The following PLAAT3 variants were observed in gnomAD, a reference collection of about 807,000 sequenced individuals.
PLAAT3 encodes phospholipase A and acyltransferase 3.
A neutral mutation model predicts 16.7 loss-of-function variants in PLAAT3; 21 were observed. The observed-to-expected ratio is 1.26, with a 90% CI of 0.89 to 1.81. The LOEUF is 1.81. PLAAT3 is among the 40% of genes most tolerant of loss of function. The pLI, the probability that PLAAT3 is intolerant of heterozygous loss-of-function variation, is 0.00. For missense variants in PLAAT3, 219 were observed against 213.7 expected, an observed-to-expected ratio of 1.02 and a Z score of -0.16; for synonymous variants, 76 against 81.7, an observed-to-expected ratio of 0.93 and a Z score of 0.38.
chr11:63,591,045 T>C (rs1479259328), intron 3 of PLAAT3, among the ~76,000 whole-genome samples: 2 of 152,034 alleles, frequency 1.3e-5, no homozygotes, highest in African/African-American at 4.8e-5. Context: ...TCAAACAACC[T>C]GTGTGGCGCA....
intron 2 of PLAAT3, among the ~76,000 whole-genome samples, chr11:63,601,845 C>T (rs547184796): frequency 1.4e-4 from 21 of 152,110 alleles, no homozygotes; most frequent in Admixed American, 8.5e-4. Context: ...GACGTGGTGG[C>T]GTACGCCAGT....
intron 3 of PLAAT3, among the ~76,000 whole-genome samples, chr11:63,593,323 C>CAAGCA (rs1226926459): frequency 6.6e-6 from 1 of 152,200 alleles, no homozygotes; most frequent in African/African-American, 2.4e-5. Flanking sequence ...GAGGCCACCC[C>CAAGCA]AAGGAAAAGG....
rs1310585564 is a variant in PLAAT3 at position 63,580,342 on chromosome 11, TA to T, written c.388-5297del. ...AGCTTACAAATGGAGTTAAGGCTGC[TA>T]ATCAATTTACCTTAAAATACAGAAA... On this transcript the variant is annotated intron_variant, in intron 4 of 4. Coordinates refer to ENST00000415826, the MANE Select transcript of PLAAT3 (RefSeq NM_001128203.2). 2.0e-5 allele frequency among the ~76,000 whole-genome samples: 3 copies of T among 152,232 alleles called. No homozygotes were observed. In the East Asian group the frequency reaches 5.8e-4, roughly 29 times the overall value.
chr11:63,610,388 G>A (rs747633687), intron 2 of PLAAT3, among the ~76,000 whole-genome samples: 2 of 152,176 alleles, frequency 1.3e-5, no homozygotes, highest in East Asian at 1.9e-4. Flanking sequence ...GGGAAGAAGC[G>A]ATCAATTTCC....
At chr11:63,597,859 C>A (rs1938332056) in intron 3 of PLAAT3, among the ~76,000 whole-genome samples, 1 of 152,190 alleles carries the variant, frequency 6.6e-6, no homozygotes, top group Non-Finnish European at 1.5e-5. Context: ...CTCTAAAGAA[C>A]CCCCTGAGGT....
At chr11:63,577,695 G>A (rs1171573313) in intron 4 of PLAAT3, among the ~76,000 whole-genome samples, 1 of 152,080 alleles carries the variant, frequency 6.6e-6, no homozygotes, top group Non-Finnish European at 1.5e-5. Context: ...GCATCCAAAA[G>A]GAAACGTCCT....
At chr11:63,584,619 T>G (rs1751864060) in intron 4 of PLAAT3, among the ~76,000 whole-genome samples, 1 of 151,488 alleles carries the variant, frequency 6.6e-6, no homozygotes, top group Non-Finnish European at 1.5e-5. Context: ...GTTCACGCCA[T>G]TCTCCTGCCT....
At chr11:63,589,503 GAAAGACAAA>G (rs1938082406) in intron 4 of PLAAT3, among the ~76,000 whole-genome samples, 1 of 151,676 alleles carries the variant, frequency 6.6e-6, no homozygotes, top group African/African-American at 2.4e-5. Context: ...GAAAGGAGAG[GAAAGACAAA>G]AATAAAATCA....
intron 2 of PLAAT3, among the ~76,000 whole-genome samples, chr11:63,605,463 T>C (rs1341523871): frequency 6.6e-6 from 1 of 152,172 alleles, no homozygotes; most frequent in Non-Finnish European, 1.5e-5. Context: ...GCCACACAGA[T>C]TGTGCAATTA....
At position 63,614,007 on chromosome 11, in the gene PLAAT3, G is replaced by A; in HGVS notation, c.8C>T (p.Ala3Val). Residue 3 changes from alanine (A) to valine (V), a missense_variant, in exon 2 of 5, where the codon GCG (alanine) becomes GTG (valine). Coordinates refer to ENST00000415826, the MANE Select transcript of PLAAT3 (RefSeq NM_001128203.2). ...GCCTCGCCCCGCACTTACAATGGGC[G>A]CACGCATCTTCCCTCGCGGTGTGGA... MRAPIPEPKPGDL... is the reference protein window; with the variant it reads MRVPIPEPKPGDL... The A allele has an allele frequency of 6.2e-7, 1 of 1,604,266 alleles. No individual in the cohort carries two copies.
chr11:63,601,980 C>CAAAAA (rs71468636), intron 2 of PLAAT3, among the ~76,000 whole-genome samples: 3 of 99,402 alleles, frequency 3.0e-5, no homozygotes, highest in Non-Finnish European at 5.7e-5. Flanking sequence ...AACTCTGTCT[C>CAAAAA]AAAAAAAAAA....
chr11:63,612,205 T>C (rs748402993), intron 2 of PLAAT3, among the ~76,000 whole-genome samples: 9 of 152,008 alleles, frequency 5.9e-5, no homozygotes, highest in Non-Finnish European at 1.3e-4. Context: ...AGAGATGGGG[T>C]CTTGCTATAT....
chr11:63,585,030 T>C (rs1937933168), intron 4 of PLAAT3, among the ~76,000 whole-genome samples: 1 of 140,098 alleles, frequency 7.1e-6, no homozygotes, highest in Non-Finnish European at 1.6e-5. Context: ...ATCGAAGTTC[T>C]TTTTTTTTTT....
In PLAAT3 at chr11:63,583,798, G is replaced by GC. The variant is rs1555042803; in HGVS notation, c.387+6301_387+6302insG. 2.1e-3 allele frequency among the ~76,000 whole-genome samples: 320 copies of GC among 149,326 alleles called. 1 individual carries two copies. Among genetic ancestry groups the GC allele is most frequent in the African/African-American group, 7.7e-3 (313 of 40,868 alleles). On this transcript the variant is annotated intron_variant, in intron 4 of 4. Coordinates refer to ENST00000415826, the MANE Select transcript of PLAAT3 (RefSeq NM_001128203.2). ...TCTCATTAGAAATATTAAGAAGACTGTTTTTTTTTTAAGTGGGCAAACAAA... is the reference window on the plus strand; with the variant it reads ...TCTCATTAGAAATATTAAGAAGACTGCTTTTTTTTTTAAGTGGGCAAACAAA...
In PLAAT3 at chr11:63,588,407, C is replaced by T. The variant is rs77290338; in HGVS notation, c.387+1693G>A. ...GTTTTAAGAAAAGAAAAACAAGACA[C>T]AAATGTTTTGAAGGCTGTTATCCCC... On this transcript the variant is annotated intron_variant, in intron 4 of 4. Transcript: ENST00000415826. Among the ~76,000 whole-genome samples the T allele has an allele frequency of 5.5e-3, 834 of 152,298 alleles. 2 individuals are homozygous for T. The highest frequency in any genetic ancestry group is 0.014 in the Middle Eastern group (4 of 294).
intron 2 of PLAAT3, among the ~76,000 whole-genome samples, chr11:63,610,107 GTTC>G (rs1363864464): frequency 6.6e-6 from 1 of 152,196 alleles, no homozygotes; most frequent in African/African-American, 2.4e-5. Flanking sequence ...TAAAGGTGAG[GTTC>G]TTCCCACCAC....
intron 4 of PLAAT3, among the ~76,000 whole-genome samples, chr11:63,587,113 C>T (rs1937999892): frequency 6.6e-6 from 1 of 152,034 alleles, no homozygotes; most frequent in Non-Finnish European, 1.5e-5. Context: ...AAATAAAAAA[C>T]AAGAGAGAGA....
intron 3 of PLAAT3, among the ~76,000 whole-genome samples, chr11:63,594,499 T>C (rs1223846584): frequency 6.6e-6 from 1 of 152,052 alleles, no homozygotes; most frequent in African/African-American, 2.4e-5. Context: ...TCAGCTGTGA[T>C]GGGACTTGGC....
upstream of PLAAT3, among the ~76,000 whole-genome samples, chr11:63,615,708 C>CA (rs1417481735): frequency 6.7e-6 from 1 of 149,498 alleles, no homozygotes; most frequent in East Asian, 1.9e-4. Flanking sequence ...CTCACTCTGT[C>CA]ACCCAGGCTG....
Sources: allele counts gnomAD v4.1 joint callset (sites outside exome capture counted in the v4.1 genomes callset), GRCh38; gene constraint gnomAD v4.1.1; transcripts MANE v1.5; gene names NCBI Gene and HGNC (gene_info 2026-07-23, HGNC 2026-07-21).